ANKRD44: variants seen among roughly 807,000 people sequenced by gnomAD.
ANKRD44 encodes ankyrin repeat domain 44.
ANKRD44 carries 35 observed loss-of-function variants against 116.0 expected under a neutral mutation model. That is an observed-to-expected ratio of 0.30 (90% CI 0.23 to 0.40). The LOEUF (loss-of-function observed/expected upper bound fraction) is 0.40, where lower values mean the gene tolerates loss of function less well. Ranked by LOEUF, ANKRD44 falls within the 10% of genes least tolerant of loss-of-function variation. The pLI is 1.00. For synonymous variants in ANKRD44, 435 were observed against 461.8 expected (o/e 0.94, Z 0.74); for missense variants, 1,014 against 1,242.6 (o/e 0.82, Z 2.77).
chr2:197,049,271 T>A (rs1235387696), intron 16 of ANKRD44, among the ~76,000 whole-genome samples: 2 of 152,216 alleles, frequency 1.3e-5, no homozygotes, highest in African/African-American at 4.8e-5. Context: ...ATGTCCTGAA[T>A]GGTATTGCCT....
intron 1 of ANKRD44, chr2:197,199,416 T>C (rs1023086841): frequency 2.0e-5 from 3 of 152,218 alleles, no homozygotes; most frequent in Admixed American, 6.5e-5. Flanking sequence ...ATTTTATCTT[T>C]GTCTTATGTT....
chr2:197,113,085 C>G (rs933113651), intron 8 of ANKRD44, among the ~76,000 whole-genome samples: 1 of 152,012 alleles, frequency 6.6e-6, no homozygotes, highest in Non-Finnish European at 1.5e-5. Context: ...TGAGTATAAT[C>G]TGAATCAGAA....
intron 2 of ANKRD44, among the ~76,000 whole-genome samples, chr2:197,167,894 G>A (rs539270434): frequency 6.6e-6 from 1 of 152,292 alleles, no homozygotes; most frequent in African/African-American, 2.4e-5. Context: ...GCAGCATGTT[G>A]AGCAGAGCCA....
chr2:197,134,853 G>A (rs908491544), intron 4 of ANKRD44: 1 of 152,162 alleles, frequency 6.6e-6, no homozygotes, highest in Non-Finnish European at 1.5e-5. Context: ...TAAAGACCAA[G>A]TGGTCTTAAA....
At chr2:197,008,049 T>G (rs1414888905) in intron 19 of ANKRD44, 126 bp from the exon 20 acceptor site, 1 of 676,326 alleles carries the variant, frequency 1.5e-6, no homozygotes, top group African/African-American at 1.8e-5. Context: ...CTTAATATTT[T>G]CTAAGTGTCC....
chr2:197,074,412 T>C (rs376629175), intron 16 of ANKRD44, among the ~76,000 whole-genome samples: 5 of 151,894 alleles, frequency 3.3e-5, no homozygotes, highest in Non-Finnish European at 5.9e-5. Context: ...CTTTTTTAAA[T>C]GCTTTTCTCT....
At chr2:197,111,643 A>AC (rs1335403199) in intron 8 of ANKRD44, among the ~76,000 whole-genome samples, 1 of 151,600 alleles carries the variant, frequency 6.6e-6, no homozygotes, top group African/African-American at 2.4e-5. Flanking sequence ...TGTCTCAAAA[A>AC]AAAAAAAGAA....
intron 16 of ANKRD44, among the ~76,000 whole-genome samples, chr2:197,060,253 A>G (rs1156736683): frequency 2.0e-5 from 3 of 152,220 alleles, no homozygotes; most frequent in Non-Finnish European, 2.9e-5. Context: ...TAGATCTGGC[A>G]CATAGCAGTA....
At chr2:196,984,475 T>C (rs2075823520), downstream of ANKRD44, among the ~76,000 whole-genome samples, 1 of 152,244 alleles carries the variant, frequency 6.6e-6, no homozygotes, top group Non-Finnish European at 1.5e-5. Flanking sequence ...CCACAATGTT[T>C]TTATGTTAAT....
At chr2:197,019,097 T>C (rs1312303362) in intron 17 of ANKRD44, among the ~76,000 whole-genome samples, 4 of 152,120 alleles carry the variant, frequency 2.6e-5, no homozygotes, top group Non-Finnish European at 5.9e-5. Context: ...AAAATAATGG[T>C]GACAGAATTG....
rs964403662 is a variant in ANKRD44 at position 196,987,269 on chromosome 2, T to C, written c.*2322A>G. The C allele has an allele frequency of 1.0e-6, 1 of 984,970 alleles. No homozygotes were observed. The highest frequency in any genetic ancestry group is 1.7e-5 in the African/African-American group (1 of 57,210). 61.0% of individuals were successfully genotyped at this position (984,970 alleles called of 1,614,324 possible). On this transcript the variant is annotated 3_prime_UTR_variant, in exon 28 of 28. Coordinates refer to ENST00000282272, the MANE Select transcript of ANKRD44 (RefSeq NM_001195144.2). ...TTAAGCATTTTCATATTCATTTCAA[T>C]GCAAGTACAAGGGGAAATAGGAAAA... is the stretch of plus-strand genomic sequence containing the variant.
intron 2 of ANKRD44, among the ~76,000 whole-genome samples, chr2:197,156,249 G>A (rs532915343): frequency 6.6e-6 from 1 of 152,278 alleles, no homozygotes; most frequent in Non-Finnish European, 1.5e-5. Context: ...AGGAGGCTGA[G>A]GCAGGAGAAT....
At chr2:197,263,261 A>C in intron 1 of ANKRD44, 1 of 569,954 alleles carries the variant, frequency 1.8e-6, no homozygotes, top group African/African-American at 1.9e-5. Context: ...ACGTCCCCTT[A>C]CCTCACTTGT....
intron 1 of ANKRD44, among the ~76,000 whole-genome samples, chr2:197,303,445 C>T (rs942589240): frequency 6.6e-6 from 1 of 152,108 alleles, no homozygotes. Flanking sequence ...ATTTTTAAAA[C>T]AAACTAAAGC....
chr2:197,251,662 G>T (rs946377831), intron 1 of ANKRD44, among the ~76,000 whole-genome samples: 1 of 151,962 alleles, frequency 6.6e-6, no homozygotes, highest in African/African-American at 2.4e-5. Context: ...CTTACTCTTT[G>T]CCCATTAATC....
rs533208791 is a variant in ANKRD44, at chr2:197,222,820, A to ATTT, written c.28-35717_28-35715dup. ...TATTTTATTTATTTTTTATTTATTT[A>ATTT]TTTTTTTTTTGAGACGGATTCTCAC... On this transcript the variant is annotated intron_variant, in intron 1 of 27. Coordinates refer to ENST00000282272, the MANE Select transcript of ANKRD44 (RefSeq NM_001195144.2). Among the ~76,000 whole-genome samples the ATTT allele has an allele frequency of 3.1e-3, 455 of 146,968 alleles. 4 individuals carry two copies. Among genetic ancestry groups the ATTT allele is most frequent in the African/African-American group, 0.011 (421 of 39,826 alleles).
At chr2:197,069,305 G>C (rs1000614240) in intron 16 of ANKRD44, among the ~76,000 whole-genome samples, 6 of 152,182 alleles carry the variant, frequency 3.9e-5, no homozygotes, top group East Asian at 1.9e-4. Flanking sequence ...GTTGTGGGGT[G>C]GGGGGAGTGG....
intron 1 of ANKRD44, among the ~76,000 whole-genome samples, chr2:197,295,490 A>G (rs1210199987): frequency 6.6e-6 from 1 of 152,174 alleles, no homozygotes; most frequent in African/African-American, 2.4e-5. Context: ...ATCCTTTTCA[A>G]TCACTTAATA....
intron 13 of ANKRD44, among the ~76,000 whole-genome samples, chr2:197,084,064 G>A (rs958334361): frequency 2.0e-5 from 3 of 151,968 alleles, no homozygotes; most frequent in African/African-American, 4.8e-5. Context: ...TTTTTTTAAG[G>A]TGCAATACCC....
Sources: gnomAD v4.1 joint callset for allele counts (sites outside exome capture counted in the v4.1 genomes callset) on GRCh38, gnomAD v4.1.1 for gene constraint, MANE v1.5 for transcripts, NCBI Gene and HGNC (gene_info 2026-07-23, HGNC 2026-07-21) for gene names.